Variants in JAKMIP2 observed in about 807,000 individuals in gnomAD.
The protein encoded by JAKMIP2 is janus kinase and microtubule interacting protein 2.
Under a neutral mutation model 115.0 loss-of-function variants are expected in JAKMIP2, and 25 were observed. The observed-to-expected ratio is 0.22, with a 90% CI of 0.16 to 0.30. The LOEUF (loss-of-function observed/expected upper bound fraction) is 0.30, where lower values mean the gene tolerates loss of function less well. Ranked by LOEUF, JAKMIP2 falls within the 10% of genes least tolerant of loss-of-function variation. The pLI is 1.00. For missense variants in JAKMIP2, 642 were observed against 957.6 expected (o/e 0.67, Z 4.35); for synonymous variants, 334 against 343.6 (o/e 0.97, Z 0.31).
At chr5:147,708,489 G>C (rs987935701) in intron 1 of JAKMIP2, among the ~76,000 whole-genome samples, 1 of 152,234 alleles carries the variant, frequency 6.6e-6, no homozygotes, top group South Asian at 2.1e-4. Flanking sequence ...GGAGAAACAG[G>C]TTGGAATTAT....
intron 14 of JAKMIP2, among the ~76,000 whole-genome samples, chr5:147,630,442 G>A (rs1757304590): frequency 6.6e-6 from 1 of 152,078 alleles, no homozygotes; most frequent in Non-Finnish European, 1.5e-5. Flanking sequence ...AAATTGCTTT[G>A]GTTGACAAAT....
At chr5:147,762,704 T>C (rs1190290642) in intron 1 of JAKMIP2, among the ~76,000 whole-genome samples, 2 of 152,162 alleles carry the variant, frequency 1.3e-5, no homozygotes, top group African/African-American at 4.8e-5. Context: ...CATTGAAGAT[T>C]AGGGCTTCAA....
intron 1 of JAKMIP2, among the ~76,000 whole-genome samples, chr5:147,704,756 A>G (rs1245531934): frequency 6.6e-6 from 1 of 152,182 alleles, no homozygotes; most frequent in African/African-American, 2.4e-5. Flanking sequence ...TTGGCTGTCA[A>G]TAATCATTTC....
intron 10 of JAKMIP2, among the ~76,000 whole-genome samples, chr5:147,638,154 T>A (rs1309682602): frequency 6.6e-6 from 1 of 152,184 alleles, no homozygotes; most frequent in Non-Finnish European, 1.5e-5. Context: ...GATGCTTTCA[T>A]CTGTATTATT....
chr5:147,645,070 T>C, intron 5 of JAKMIP2, 74 bp from the exon 6 acceptor site: 1 of 1,420,176 alleles, frequency 7.0e-7, no homozygotes, highest in Non-Finnish European at 9.8e-7. Flanking sequence ...GTGGTGGGAG[T>C]GAAAGCACCT....
rs1232239649 is a variant in JAKMIP2, at chr5:147,587,495, A to C, written c.*4212T>G. ...ACAGATTGAAATAATGCAATTAAAT[A>C]TTTTAAAAATAAAATTTCTATGCTG... On this transcript the variant is annotated 3_prime_UTR_variant, in exon 22 of 22. Transcript: ENST00000616793. 3 of 152,086 alleles carry C rather than the reference A, an allele frequency of 2.0e-5. No individual in the cohort carries two copies. Among genetic ancestry groups the C allele is most frequent in the Admixed American group, 6.6e-5 (1 of 15,252 alleles). 9.4% of individuals were successfully genotyped at this position (152,086 alleles called of 1,614,324 possible). A position where few individuals can be genotyped will look rare whatever the true frequency, so the allele number is the denominator to read the frequency against.
chr5:147,653,175 G>A (rs1758492938), intron 3 of JAKMIP2, among the ~76,000 whole-genome samples: 1 of 152,176 alleles, frequency 6.6e-6, no homozygotes, highest in South Asian at 2.1e-4. Flanking sequence ...AAACATACGT[G>A]TGAATGTGCC....
intron 17 of JAKMIP2, 100 bp downstream of exon 17, chr5:147,623,521 A>T: frequency 1.5e-6 from 1 of 673,146 alleles, no homozygotes; most frequent in Middle Eastern, 2.9e-4. Flanking sequence ...AAGATGACAA[A>T]CTTTCATCAG....
chr5:147,605,759 A>G (rs1424092730), intron 20 of JAKMIP2, among the ~76,000 whole-genome samples: 2 of 152,172 alleles, frequency 1.3e-5, no homozygotes, highest in Non-Finnish European at 2.9e-5. Flanking sequence ...GAATCACCAC[A>G]CTGTCTTCCA....
In JAKMIP2 at chr5:147,586,448, T is replaced by C. The variant is rs1754872892; in HGVS notation, c.*5259A>G. 1 of 152,132 alleles carries C rather than the reference T, an allele frequency of 6.6e-6. No homozygotes were observed. The highest frequency in any genetic ancestry group is 2.4e-5 in the African/African-American group (1 of 41,426). 9.4% of individuals were successfully genotyped at this position (152,132 alleles called of 1,614,324 possible). ...ACAGATGCTGGGGATCTGTTTTAGT[T>C]GGAAAATTGCATCATCCACTCTTTA... On this transcript the variant is annotated 3_prime_UTR_variant, in exon 22 of 22. Transcript: ENST00000616793.
Position 147,637,022 on chromosome 5 carries a change from C to A in JAKMIP2, c.1557G>T (p.Val519=). The A allele has an allele frequency of 1.1e-6, 1 of 872,776 alleles. No individual in the cohort carries two copies. Among genetic ancestry groups the A allele is most frequent in the Non-Finnish European group, 2.0e-6 (1 of 501,614 alleles). The allele number at this position is 872,776 out of a possible 1,614,324, so 54.1% of individuals were successfully genotyped here. Residue 519 remains valine, a synonymous_variant, in exon 11 of 22, where the codon GTG becomes GTT. Coordinates refer to ENST00000616793, the MANE Select transcript of JAKMIP2 (RefSeq NM_001270941.2). ...CTTCAATTTTGGCTTTATACCTTAG[C>A]ACCTCTGCTTGGAGCTGTTCTTGAG... ...AKAQEQLQAE[V]LRYKAKIEDL...
At chr5:147,782,225 GT>G (rs1755785614) in intron 1 of JAKMIP2, among the ~76,000 whole-genome samples, 1 of 152,046 alleles carries the variant, frequency 6.6e-6, no homozygotes, top group South Asian at 2.1e-4. Flanking sequence ...TTCTGAGCCA[GT>G]TAGAGATAAA....
At chr5:147,693,989 T>C (rs977950579) in intron 1 of JAKMIP2, among the ~76,000 whole-genome samples, 1 of 152,176 alleles carries the variant, frequency 6.6e-6, no homozygotes. Flanking sequence ...TAGGTGAAGT[T>C]TACGATGGAC....
intron 1 of JAKMIP2, among the ~76,000 whole-genome samples, chr5:147,726,395 A>G (rs1278517613): frequency 1.3e-5 from 2 of 152,178 alleles, no homozygotes; most frequent in African/African-American, 2.4e-5. Flanking sequence ...TGCCCAAGGA[A>G]AGGGAACACA....
At chr5:147,779,636 TAAG>T (rs1222752464) in intron 1 of JAKMIP2, among the ~76,000 whole-genome samples, 1 of 152,148 alleles carries the variant, frequency 6.6e-6, no homozygotes, top group Non-Finnish European at 1.5e-5. Context: ...TAAATTTCTC[TAAG>T]AAGATGATCA....
rs748615071 is a variant in JAKMIP2 at position 147,617,933 on chromosome 5, T to A, written c.2324A>T (p.Glu775Val). The change falls in exon 19 of 22, where the codon GAG (glutamate) becomes GTG (valine). Residue 775 changes from glutamate to valine, a missense_variant. Physicochemically the swap from Glu to Val is moderately radical, Grantham distance 121 (BLOSUM62 -2). Around this residue, in one of 6 missense-constraint regions of JAKMIP2, gnomAD observed 26 missense variants for 50.5 expected, o/e 0.51. Coordinates refer to ENST00000616793, the MANE Select transcript of JAKMIP2 (RefSeq NM_001270941.2). ...CACCTGATGGGCTTGCTGTAAGAGC[T>A]CCATTCTCTCCTGAAGAATCTGACA... ...YDCQILQERM[E>V]LLQQAHQRIR... 1.4e-5 allele frequency: 22 copies of A among 1,614,006 alleles called. No homozygotes were observed. In the East Asian group the frequency reaches 4.7e-4, roughly 34 times the overall value.
chr5:147,736,806 A>G (rs1420542219), intron 1 of JAKMIP2, among the ~76,000 whole-genome samples: 1 of 152,158 alleles, frequency 6.6e-6, no homozygotes, highest in Non-Finnish European at 1.5e-5. Context: ...CTTCACATAT[A>G]TTTGCTAAGT....
chr5:147,748,174 G>T (rs1754418533), intron 1 of JAKMIP2, among the ~76,000 whole-genome samples: 1 of 152,174 alleles, frequency 6.6e-6, no homozygotes, highest in Admixed American at 6.5e-5. Flanking sequence ...GGCTGTATGA[G>T]CTTGGATGTT....
chr5:147,698,880 A>G (rs1262005340), intron 1 of JAKMIP2, among the ~76,000 whole-genome samples: 2 of 152,160 alleles, frequency 1.3e-5, no homozygotes, highest in Non-Finnish European at 2.9e-5. Flanking sequence ...GTTGTACAAA[A>G]ATAATCTGGA....
Sources: allele counts gnomAD v4.1 joint callset (sites outside exome capture counted in the v4.1 genomes callset), GRCh38; gene constraint gnomAD v4.1.1; regional missense constraint gnomAD v4.1.1; transcripts MANE v1.5; gene names NCBI Gene and HGNC (gene_info 2026-07-23, HGNC 2026-07-21).